Variants in IREB2 observed in about 807,000 individuals in gnomAD.
IREB2 encodes the protein iron responsive element binding protein 2, also known as iron-responsive element-binding protein 2.
A neutral mutation model predicts 118.8 loss-of-function variants in IREB2; 39 were observed. That is an observed-to-expected ratio of 0.33 (90% confidence interval 0.25 to 0.43). IREB2 has a LOEUF of 0.43. Ranked by LOEUF, IREB2 falls within the 20% of genes least tolerant of loss-of-function variation. IREB2 has a pLI of 1.00. For synonymous variants in IREB2, 372 were observed against 392.2 expected, an observed-to-expected ratio of 0.95 and a Z score of 0.61; for missense variants, 900 against 1,147.3, an observed-to-expected ratio of 0.78 and a Z score of 3.11.
intron 20 of IREB2, among the ~76,000 whole-genome samples, 158 bp from the exon 21 acceptor site, chr15:78,496,968 G>A (rs2051846977): frequency 6.6e-6 from 1 of 152,178 alleles, no homozygotes; most frequent in Non-Finnish European, 1.5e-5. Flanking sequence ...TAATCTGTAA[G>A]AAGGTTCTGT....
At chr15:78,460,600 C>T (rs1177072164) in intron 2 of IREB2, among the ~76,000 whole-genome samples, 3 of 152,130 alleles carry the variant, frequency 2.0e-5, no homozygotes, top group Non-Finnish European at 2.9e-5. Context: ...AGATTAGAAT[C>T]AGTCATTTCT....
chr15:78,442,007 A>G (rs894305650), intron 2 of IREB2, among the ~76,000 whole-genome samples: 9 of 151,918 alleles, frequency 5.9e-5, no homozygotes, highest in African/African-American at 1.7e-4. Context: ...CCTGAGTTCA[A>G]GCGATTCTCG....
chr15:78,492,067 C>CA (rs1045572734), intron 18 of IREB2, among the ~76,000 whole-genome samples: 1 of 152,174 alleles, frequency 6.6e-6, no homozygotes, highest in African/African-American at 2.4e-5. Flanking sequence ...TAAAGACACT[C>CA]AAACCTCCTA....
chr15:78,437,997 C>A (rs1056597510), upstream of IREB2, among the ~76,000 whole-genome samples: 3 of 152,248 alleles, frequency 2.0e-5, no homozygotes, highest in Admixed American at 2.0e-4. Flanking sequence ...CGGATCGCTG[C>A]GAAGGCCAAA....
rs1019632389 is a variant in IREB2 at position 78,483,179 on chromosome 15, G to A, written c.1297-139G>A. ...AAATCTTTATTTCTTGGGGTTGAGG[G>A]TGTATTATACTATTAAAATAAATTG... On this transcript the variant is annotated intron_variant, in intron 10 of 21. Transcript: ENST00000258886. The A allele has an allele frequency of 8.5e-5, 44 of 516,100 alleles. No individual in the cohort carries two copies. The East Asian group carries it at 1.3e-3, about 15-fold the overall frequency. The allele number at this position is 516,100 out of a possible 1,614,324, so 32.0% of individuals were successfully genotyped here.
At chr15:78,473,424 T>G (rs751782373) in intron 8 of IREB2, 43 bp downstream of exon 8, 2 of 1,558,204 alleles carry the variant, frequency 1.3e-6, no homozygotes, top group East Asian at 4.5e-5. Flanking sequence ...CTGAACATTA[T>G]TTTTATAAAA....
At chr15:78,483,785 C>CT (rs1159977288) in intron 11 of IREB2, among the ~76,000 whole-genome samples, 2,359 of 140,464 alleles carry the variant, frequency 0.017, 73 homozygotes, top group African/African-American at 0.052. Context: ...ATCACAGAAA[C>CT]TTTTTTTTTT....
At chr15:78,458,133 G>C (rs1049301503) in intron 2 of IREB2, among the ~76,000 whole-genome samples, 21 of 152,132 alleles carry the variant, frequency 1.4e-4, no homozygotes, top group African/African-American at 4.8e-4. Flanking sequence ...GGCCATACCT[G>C]TAGTAAATAC....
At chr15:78,441,612 A>G (rs938505305) in intron 2 of IREB2, among the ~76,000 whole-genome samples, 1 of 152,228 alleles carries the variant, frequency 6.6e-6, no homozygotes, top group East Asian at 1.9e-4. Flanking sequence ...AGATGACCTA[A>G]ATTTCTCAAA....
intron 2 of IREB2, among the ~76,000 whole-genome samples, chr15:78,451,419 G>C (rs1283691723): frequency 6.6e-6 from 1 of 151,612 alleles, no homozygotes; most frequent in East Asian, 1.9e-4. Flanking sequence ...GCAAGCAACT[G>C]ATGTACTTTG....
rs766997050 is a variant in IREB2, at chr15:78,497,242, C to T, written c.2712C>T (p.Leu904=). Residue 904 remains leucine (L), a synonymous_variant, in exon 21 of 22, where the codon CTC becomes CTT. Coordinates refer to ENST00000258886, the MANE Select transcript of IREB2 (RefSeq NM_004136.4). Reference sequence around the variant, plus strand: ...GAGAAAATGCAGATTCCTTGGGCCTCTCCGGTAGAGAAACATTTTCTTTAA... The same window carrying T: ...GAGAAAATGCAGATTCCTTGGGCCTTTCCGGTAGAGAAACATTTTCTTTAA... The part of the protein sequence containing the change: ...LPGENADSLG[L]SGRETFSLTF... 4 of 1,613,790 alleles carry T rather than the reference C, an allele frequency of 2.5e-6. 1 individual carries two copies. Among genetic ancestry groups the T allele is most frequent in the South Asian group, 2.2e-5 (2 of 91,078 alleles).
At chr15:78,496,568 T>G (rs973185851) in intron 20 of IREB2, among the ~76,000 whole-genome samples, 1 of 151,994 alleles carries the variant, frequency 6.6e-6, no homozygotes, top group African/African-American at 2.4e-5. Context: ...GCATCCAGCC[T>G]ATTCTTGTTA....
chr15:78,461,092 A>G (rs1259714562), intron 2 of IREB2, among the ~76,000 whole-genome samples: 2 of 152,048 alleles, frequency 1.3e-5, no homozygotes, highest in Non-Finnish European at 1.5e-5. Flanking sequence ...AACCTATTGA[A>G]TGAGTCCTGA....
Position 78,466,393 on chromosome 15 carries a change from G to C in IREB2, c.533G>C (p.Cys178Ser). ...GGCCAGACTACCTGCCGAGGATCTT[G>C]TGATTCTGGAGAACTAGGCCGAAAC... is the stretch of plus-strand genomic sequence containing the variant. ...CRGQTTCRGS[C>S]DSGELGRNSG... Residue 178 changes from cysteine (C) to serine (S), a missense_variant, in exon 5 of 22, where the codon TGT (cysteine) becomes TCT (serine). Physicochemically the swap from Cys to Ser is moderately radical, Grantham distance 112. Coordinates refer to ENST00000258886, the MANE Select transcript of IREB2 (RefSeq NM_004136.4). The C allele has an allele frequency of 1.2e-6, 2 of 1,614,166 alleles. No homozygotes were observed. The highest frequency in any genetic ancestry group is 1.7e-6 in the Non-Finnish European group (2 of 1,180,000).
intron 2 of IREB2, among the ~76,000 whole-genome samples, chr15:78,460,662 A>C (rs1415409150): frequency 6.6e-6 from 1 of 152,326 alleles, no homozygotes; most frequent in Non-Finnish European, 1.5e-5. Flanking sequence ...TAGAAACAAC[A>C]AACAGTTGTT....
At chr15:78,470,718 A>G (rs1327902811) in intron 6 of IREB2, 117 bp downstream of exon 6, 2 of 485,496 alleles carry the variant, frequency 4.1e-6, no homozygotes, top group East Asian at 6.6e-5. Context: ...TTTTTAAGAC[A>G]GAATCTCGCC....
chr15:78,451,560 TG>T (rs1355906286), intron 2 of IREB2, among the ~76,000 whole-genome samples: 1 of 152,232 alleles, frequency 6.6e-6, no homozygotes, highest in Non-Finnish European at 1.5e-5. Context: ...TAAGTGAAAC[TG>T]GTATTTTGTG....
intron 16 of IREB2, among the ~76,000 whole-genome samples, chr15:78,490,175 G>A: frequency 6.6e-6 from 1 of 152,072 alleles, no homozygotes; most frequent in Admixed American, 6.5e-5. Flanking sequence ...CCCTCAGGGA[G>A]GCCAAGGCCC....
At chr15:78,470,782 C>T in intron 6 of IREB2, 181 bp downstream of exon 6, 2 of 384,844 alleles carry the variant, frequency 5.2e-6, no homozygotes, top group Admixed American at 4.2e-5. Flanking sequence ...GCAGCCTCCA[C>T]CTCCTGGGTT....
Sources: gnomAD v4.1 joint callset for allele counts (sites outside exome capture counted in the v4.1 genomes callset) on GRCh38, gnomAD v4.1.1 for gene constraint, MANE v1.5 for transcripts, NCBI Gene and HGNC (gene_info 2026-07-23, HGNC 2026-07-21) for gene names.